Variants in GRIA1 observed in about 807,000 individuals in gnomAD.
The protein encoded by GRIA1 is glutamate ionotropic receptor AMPA type subunit 1.
Under a neutral mutation model 99.2 loss-of-function variants are expected in GRIA1, and 31 were observed. The ratio of observed to expected loss-of-function variants is 0.31; its 90% CI spans 0.23 to 0.42. GRIA1 has a LOEUF of 0.42. Among genes scored for constraint, GRIA1 ranks in the 10% least tolerant of loss-of-function variants. The pLI is 1.00. For synonymous variants in GRIA1, 438 were observed against 432.4 expected (o/e 1.01, Z -0.16); for missense variants, 782 against 1,157.5 (o/e 0.68, Z 4.71).
At chr5:153,668,238 C>G (rs1561747478) in intron 5 of GRIA1, among the ~76,000 whole-genome samples, 1 of 152,006 alleles carries the variant, frequency 6.6e-6, no homozygotes, top group Non-Finnish European at 1.5e-5. Context: ...ATTCCCATCT[C>G]TGGGCCTCAG....
At chr5:153,722,809 A>C (rs1178200281) in intron 11 of GRIA1, among the ~76,000 whole-genome samples, 2 of 152,192 alleles carry the variant, frequency 1.3e-5, no homozygotes, top group African/African-American at 4.8e-5. Context: ...CTCCTACGAG[A>C]AAATGTCTGC....
chr5:153,697,964 G>A (rs1490480050), intron 8 of GRIA1, 80 bp from the exon 9 acceptor site: 1 of 662,800 alleles, frequency 1.5e-6, no homozygotes, highest in Non-Finnish European at 2.8e-6. Flanking sequence ...CCTGTCTCTG[G>A]TATTGACTGG....
At chr5:153,541,598 G>A (rs914782729) in intron 2 of GRIA1, among the ~76,000 whole-genome samples, 2 of 151,966 alleles carry the variant, frequency 1.3e-5, no homozygotes, top group Admixed American at 6.6e-5. Context: ...CTAATTTCTC[G>A]AAGTGACTAT....
At chr5:153,769,466 T>C (rs924506571) in intron 12 of GRIA1, among the ~76,000 whole-genome samples, 3 of 151,966 alleles carry the variant, frequency 2.0e-5, no homozygotes, top group South Asian at 2.1e-4. Context: ...AGAACCAGCA[T>C]CTCAAGTGGA....
intron 2 of GRIA1, among the ~76,000 whole-genome samples, chr5:153,568,139 G>C (rs947194438): frequency 6.6e-6 from 1 of 152,066 alleles, no homozygotes; most frequent in Non-Finnish European, 1.5e-5. Flanking sequence ...TATTAAACAC[G>C]GGTGACGAAG....
chr5:153,493,840 A>C, intron 1 of GRIA1, 88 bp from the exon 2 acceptor site: 2 of 1,348,974 alleles, frequency 1.5e-6, no homozygotes, highest in Non-Finnish European at 2.1e-6. Context: ...TGGCATGGGG[A>C]GAAGAAAAGG....
intron 8 of GRIA1, among the ~76,000 whole-genome samples, chr5:153,687,726 C>T (rs75133179): frequency 0.076 from 11,546 of 152,224 alleles, 469 homozygotes; most frequent in Middle Eastern, 0.13. Flanking sequence ...TTCTCTTTGT[C>T]CACTCTCCGT....
intron 11 of GRIA1, among the ~76,000 whole-genome samples, chr5:153,746,617 A>G (rs1003567863): frequency 2.0e-5 from 3 of 151,964 alleles, no homozygotes; most frequent in African/African-American, 4.8e-5. Flanking sequence ...AGCCCATCTC[A>G]CCTCTGAAAA....
intron 2 of GRIA1, among the ~76,000 whole-genome samples, chr5:153,611,437 T>G (rs1318544953): frequency 1.3e-5 from 2 of 152,122 alleles, no homozygotes; most frequent in African/African-American, 4.8e-5. Flanking sequence ...GAACTTTACA[T>G]CTCCATGATT....
intron 8 of GRIA1, among the ~76,000 whole-genome samples, chr5:153,696,163 G>A (rs935519344): frequency 6.6e-6 from 1 of 152,180 alleles, no homozygotes; most frequent in South Asian, 2.1e-4. Context: ...GTGGCCTTGG[G>A]AAAGTTACTT....
intron 5 of GRIA1, among the ~76,000 whole-genome samples, chr5:153,657,383 T>C (rs890839995): frequency 1.3e-4 from 20 of 152,358 alleles, no homozygotes; most frequent in Admixed American, 9.8e-4. Context: ...TTTATTATCC[T>C]GTTCTGTCTT....
intron 11 of GRIA1, among the ~76,000 whole-genome samples, chr5:153,726,618 C>G (rs1760553478): frequency 6.6e-6 from 1 of 152,168 alleles, no homozygotes. Context: ...CACCTCTACG[C>G]AAATAAACTA....
At chr5:153,670,747 G>C (rs967299943) in intron 5 of GRIA1, among the ~76,000 whole-genome samples, 2 of 151,976 alleles carry the variant, frequency 1.3e-5, no homozygotes, top group African/African-American at 4.8e-5. Flanking sequence ...GTTCCCCGGG[G>C]AACAGAATGA....
chr5:153,645,109 G>C (rs1194606138), intron 2 of GRIA1, among the ~76,000 whole-genome samples: 5 of 152,136 alleles, frequency 3.3e-5, no homozygotes, highest in Non-Finnish European at 7.4e-5. Flanking sequence ...AAGTGATTTT[G>C]TCACTGAAAA....
At chr5:153,535,943 G>A (rs1758528469) in intron 2 of GRIA1, among the ~76,000 whole-genome samples, 2 of 152,138 alleles carry the variant, frequency 1.3e-5, no homozygotes, top group Admixed American at 6.6e-5. Flanking sequence ...GCTCCTAACT[G>A]GCTTCTGCCA....
intron 2 of GRIA1, among the ~76,000 whole-genome samples, chr5:153,578,848 C>T (rs1762801850): frequency 6.6e-6 from 1 of 152,136 alleles, no homozygotes; most frequent in Non-Finnish European, 1.5e-5. Flanking sequence ...GTGGAGATTG[C>T]AGTGAGCCGA....
chr5:153,606,226 T>A (rs2149403559), intron 2 of GRIA1, among the ~76,000 whole-genome samples: 1 of 152,246 alleles, frequency 6.6e-6, no homozygotes, highest in Admixed American at 6.5e-5. Context: ...GGCATCTTGG[T>A]CATAAATCAA....
chr5:153,618,723 C>T (rs1260106472), intron 2 of GRIA1, among the ~76,000 whole-genome samples: 1 of 152,106 alleles, frequency 6.6e-6, no homozygotes, highest in Admixed American at 6.6e-5. Context: ...TCTATGCCTG[C>T]TATGAGCCAG....
In GRIA1 at chr5:153,503,179, T is replaced by A. The variant is rs539831952; in HGVS notation, c.220+9114T>A. ...GATATTTCTCTCAATAAAATTTTAA[T>A]CATTTGTACATATTTTGTTGTGATT... On this transcript the variant is annotated intron_variant, in intron 2 of 15. Coordinates refer to ENST00000285900, the MANE Select transcript of GRIA1 (RefSeq NM_000827.4). Among the ~76,000 whole-genome samples, 8 of 152,318 alleles carry A rather than the reference T, an allele frequency of 5.3e-5. No individual in the cohort carries two copies. In the South Asian group the frequency reaches 1.0e-3, roughly 20 times the overall value.
Sources: gnomAD v4.1 joint callset for allele counts (sites outside exome capture counted in the v4.1 genomes callset) on GRCh38, gnomAD v4.1.1 for gene constraint, MANE v1.5 for transcripts, NCBI Gene and HGNC (gene_info 2026-07-23, HGNC 2026-07-21) for gene names.